Variants in ZNF26 observed in about 807,000 individuals in gnomAD.
The protein encoded by ZNF26 is epididymis luminal protein 179.
A neutral mutation model predicts 54.9 loss-of-function variants in ZNF26; 32 were observed. The observed-to-expected ratio is 0.58, with a 90% CI of 0.44 to 0.78. The LOEUF is 0.78. Ranked by LOEUF, ZNF26 falls within the 30% of genes least tolerant of loss-of-function variation. The pLI, the probability that ZNF26 is intolerant of heterozygous loss-of-function variation, is 0.00. For synonymous variants in ZNF26, 221 were observed against 209.2 expected, an observed-to-expected ratio of 1.06 and a Z score of -0.49; for missense variants, 524 against 634.0, an observed-to-expected ratio of 0.83 and a Z score of 1.86.
At position 133,001,724 on chromosome 12, in the gene ZNF26, T is replaced by G; in HGVS notation, c.34-5318T>G. The G allele has an allele frequency of 7.8e-7, 1 of 1,288,870 alleles. No homozygotes were observed. The highest frequency in any genetic ancestry group is 1.0e-6 in the Non-Finnish European group (1 of 988,472). The allele number at this position is 1,288,870 out of a possible 1,614,324, so 79.8% of individuals were successfully genotyped here. Reference sequence around the variant, plus strand: ...CCTTGGGCCCAGGGAAACAGTGCCCTGCCTGAGGTGAGCCGCAGGGAGGCG... The same window carrying G: ...CCTTGGGCCCAGGGAAACAGTGCCCGGCCTGAGGTGAGCCGCAGGGAGGCG... On this transcript the variant is annotated intron_variant, in intron 1 of 3. Transcript: ENST00000328654. This position sits in a 1 kb window ranked among gnomAD's most constrained non-coding sequence, Gnocchi z 4.7.
intron 1 of ZNF26, among the ~76,000 whole-genome samples, chr12:133,002,229 GC>G (rs1430558657): frequency 6.6e-6 from 1 of 151,992 alleles, no homozygotes; most frequent in African/African-American, 2.4e-5. Flanking sequence ...TGTCCTCCTG[GC>G]CCCCCTTCTG....
In ZNF26 at chr12:133,011,063, A is replaced by G; in HGVS notation, c.1184A>G (p.Glu395Gly). 2 of 1,613,710 alleles carry G rather than the reference A, an allele frequency of 1.2e-6. No homozygotes were observed. Among genetic ancestry groups the G allele is most frequent in the Admixed American group, 1.7e-5 (1 of 59,978 alleles). The change falls in exon 4 of 4, where the codon GAG becomes GGG. Residue 395 changes from glutamate (E) to glycine (G), a missense_variant. Coordinates refer to ENST00000328654, the MANE Select transcript of ZNF26 (RefSeq NM_019591.4). ...LTAHLRAHAG[E>G]KPYGCSECGK... is the part of the protein sequence containing the mutation. The stretch of plus-strand genomic sequence containing the variant: ...GCACATCTGAGAGCTCATGCAGGAG[A>G]GAAGCCCTATGGATGCAGTGAATGT...
intron 1 of ZNF26, among the ~76,000 whole-genome samples, chr12:132,994,738 T>G (rs1441476639): frequency 6.6e-6 from 1 of 152,246 alleles, no homozygotes; most frequent in Non-Finnish European, 1.5e-5. Context: ...ATAACACGAC[T>G]TTGAACCTTT....
chr12:132,996,080 G>C (rs1292668547), intron 1 of ZNF26, among the ~76,000 whole-genome samples: 1 of 152,134 alleles, frequency 6.6e-6, no homozygotes, highest in African/African-American at 2.4e-5. Context: ...GTGTCTTCGG[G>C]TTTCTGGATG....
intron 1 of ZNF26, chr12:133,005,123 A>G (rs1300391324): frequency 3.9e-5 from 6 of 152,146 alleles, no homozygotes; most frequent in African/African-American, 1.4e-4. Context: ...TTCTTTGAAC[A>G]TTGCCCTATT....
chr12:132,999,701 A>T (rs950798316), intron 1 of ZNF26, among the ~76,000 whole-genome samples: 2,476 of 150,588 alleles, frequency 0.016, 74 homozygotes, highest in African/African-American at 0.057. Flanking sequence ...TGAAAAAAAA[A>T]TTTTTTTTTG....
chr12:133,000,619 T>G (rs1953194336), intron 1 of ZNF26, among the ~76,000 whole-genome samples: 1 of 152,024 alleles, frequency 6.6e-6, no homozygotes, highest in African/African-American at 2.4e-5. Context: ...AGAGACAGGG[T>G]TTCACCATGT....
Position 133,018,708 on chromosome 12 carries a change from C to G in ZNF26, c.*7227C>G, listed in dbSNP as rs1165809260. On this transcript the variant is annotated 3_prime_UTR_variant, in exon 4 of 4. Transcript: ENST00000328654. ...CCAGGCTGGAGTGCAGTTGCATGAT[C>G]ATAGCTCACTGCAGCCTTGAACTCT... The G allele has an allele frequency of 6.6e-6, 1 of 152,180 alleles. No individual in the cohort carries two copies. The highest frequency in any genetic ancestry group is 1.5e-5 in the Non-Finnish European group (1 of 68,032). 9.4% of individuals were successfully genotyped at this position (152,180 alleles called of 1,614,324 possible).
chr12:133,012,688 G>C lies in ZNF26; in HGVS notation c.*1207G>C, dbSNP rs2137265962. 7.0e-6 allele frequency: 1 copy of C among 143,620 alleles called. No homozygotes were observed. The highest frequency in any genetic ancestry group is 2.6e-5 in the African/African-American group (1 of 38,116). 8.9% of individuals were successfully genotyped at this position (143,620 alleles called of 1,614,324 possible). A position where few individuals can be genotyped will look rare whatever the true frequency, so the allele number is the denominator to read the frequency against. ...GCTCACTGCAACTTCCACCTCCTGG[G>C]TTCAAGCAATTTCCTTGCCTCAGCC... is the stretch of plus-strand genomic sequence containing the variant. On this transcript the variant is annotated 3_prime_UTR_variant, in exon 4 of 4. Transcript: ENST00000328654.
intron 1 of ZNF26, among the ~76,000 whole-genome samples, chr12:132,989,038 T>A (rs2137206072): frequency 7.6e-6 from 1 of 131,714 alleles, no homozygotes; most frequent in South Asian, 2.7e-4. Context: ...ATTTTTTTTT[T>A]TTTTTTTTTT....
chr12:133,011,009 A>C lies in ZNF26; in HGVS notation c.1130A>C (p.Lys377Thr). The C allele has an allele frequency of 6.2e-7, 1 of 1,614,194 alleles. No individual in the cohort carries two copies. Among genetic ancestry groups the C allele is most frequent in the Non-Finnish European group, 8.5e-7 (1 of 1,180,026 alleles). Residue 377 changes from lysine to threonine, a missense_variant, in exon 4 of 4, where the codon AAA (lysine) becomes ACA (threonine). Transcript: ENST00000328654. The part of the protein sequence containing the change: ...NNPYQCGECG[K>T]AFGRKEQLTA... The stretch of plus-strand genomic sequence containing the variant: ...CCTTATCAATGCGGTGAATGTGGGA[A>C]AGCCTTTGGTAGGAAGGAACAGCTC...
At position 133,018,069 on chromosome 12, in the gene ZNF26, C is replaced by T. The variant is rs2137276632; in HGVS notation, c.*6588C>T. 1 of 152,246 alleles carries T rather than the reference C, an allele frequency of 6.6e-6. No homozygotes were observed. Among genetic ancestry groups the T allele is most frequent in the East Asian group, 1.9e-4 (1 of 5,192 alleles). The allele number at this position is 152,246 out of a possible 1,614,324, so 9.4% of individuals were successfully genotyped here. A position where few individuals can be genotyped will look rare whatever the true frequency, so the allele number is the denominator to read the frequency against. ...ATATGCAGTACTGTTTGGACTATAA[C>T]ATACAGAAGTGTAATATGTCTACCA... is the stretch of plus-strand genomic sequence containing the variant. On this transcript the variant is annotated 3_prime_UTR_variant, in exon 4 of 4. Coordinates refer to ENST00000328654, the MANE Select transcript of ZNF26 (RefSeq NM_019591.4).
intron 3 of ZNF26, among the ~76,000 whole-genome samples, chr12:133,008,908 C>T (rs1032440600): frequency 5.5e-4 from 84 of 152,102 alleles, no homozygotes; most frequent in African/African-American, 1.8e-3. Flanking sequence ...CAGGTAGCTC[C>T]GGTCATAGTG....
At chr12:133,002,362 TC>T (rs1953237034) in intron 1 of ZNF26, among the ~76,000 whole-genome samples, 1 of 152,148 alleles carries the variant, frequency 6.6e-6, no homozygotes, top group Non-Finnish European at 1.5e-5. Context: ...ACTGCCTTCT[TC>T]CACTGGACTA....
rs1215239377 is a variant in ZNF26, at chr12:133,019,971, CTG to C, written c.*8492_*8493del. The C allele has an allele frequency of 6.6e-6, 1 of 152,238 alleles. No individual in the cohort carries two copies. Among genetic ancestry groups the C allele is most frequent in the Non-Finnish European group, 1.5e-5 (1 of 68,122 alleles). The allele number at this position is 152,238 out of a possible 1,614,324, so 9.4% of individuals were successfully genotyped here. On this transcript the variant is annotated 3_prime_UTR_variant, in exon 4 of 4. Coordinates refer to ENST00000328654, the MANE Select transcript of ZNF26 (RefSeq NM_019591.4). Reference sequence around the variant, plus strand: ...GTTAGCGGGGTGTGGTGGCAGACACCTGTAGTCCCAGCTACTCGGGAGGCTGA... The same window carrying C: ...GTTAGCGGGGTGTGGTGGCAGACACCTAGTCCCAGCTACTCGGGAGGCTGA...
intron 1 of ZNF26, among the ~76,000 whole-genome samples, chr12:132,990,313 A>T (rs775352882): frequency 1.3e-5 from 2 of 152,176 alleles, no homozygotes; most frequent in Admixed American, 6.6e-5. Context: ...TTTTTTCTGC[A>T]TCTATCTATG....
In ZNF26 at chr12:133,011,169, G is replaced by C; in HGVS notation, c.1290G>C (p.Leu430Phe). 3 of 1,614,128 alleles carry C rather than the reference G, an allele frequency of 1.9e-6. No individual in the cohort carries two copies. The highest frequency in any genetic ancestry group is 2.5e-6 in the Non-Finnish European group (3 of 1,180,022). Residue 430 changes from leucine to phenylalanine, a missense_variant, in exon 4 of 4, where the codon TTG (leucine) becomes TTC (phenylalanine). By Grantham distance (22) the Leu-to-Phe change is conservative. Coordinates refer to ENST00000328654, the MANE Select transcript of ZNF26 (RefSeq NM_019591.4). ...GAGAGAGACCCTATGAATGTAGTTTGTGTGAGAGAGCCTTTTGTGGAAAAT... is the reference window on the plus strand; with the variant it reads ...GAGAGAGACCCTATGAATGTAGTTTCTGTGAGAGAGCCTTTTGTGGAAAAT... ...HTGERPYECS[L>F]CERAFCGKSQ... is the part of the protein sequence containing the mutation.
Position 133,011,051 on chromosome 12 carries a change from C to T in ZNF26, c.1172C>T (p.Ala391Val). 1.2e-6 allele frequency: 2 copies of T among 1,614,032 alleles called. No individual in the cohort carries two copies. The highest frequency in any genetic ancestry group is 1.7e-6 in the Non-Finnish European group (2 of 1,179,992). The change falls in exon 4 of 4, where the codon GCT becomes GTT. Residue 391 changes from alanine to valine, a missense_variant. Physicochemically the swap from Ala to Val is moderately conservative, Grantham distance 64 (BLOSUM62 0). Transcript: ENST00000328654. ...GAACAGCTCACTGCACATCTGAGAG[C>T]TCATGCAGGAGAGAAGCCCTATGGA... ...RKEQLTAHLR[A>V]HAGEKPYGCS...
At chr12:133,009,003 C>A (rs937946765) in intron 3 of ZNF26, among the ~76,000 whole-genome samples, 4 of 151,862 alleles carry the variant, frequency 2.6e-5, no homozygotes, top group Non-Finnish European at 1.5e-5. Flanking sequence ...ATCAAATGAC[C>A]AGATCTCACA....
Sources: allele counts gnomAD v4.1 joint callset (sites outside exome capture counted in the v4.1 genomes callset), GRCh38; gene constraint gnomAD v4.1.1; non-coding constraint Gnocchi (gnomAD v3.1); transcripts MANE v1.5; gene names NCBI Gene and HGNC (gene_info 2026-07-23, HGNC 2026-07-21).